Variants in ASTN2 observed in about 807,000 individuals in gnomAD.
ASTN2 encodes astrotactin-2.
In ASTN2, 54 loss-of-function variants were observed where a neutral mutation model predicts 139.8. That is an observed-to-expected ratio of 0.39 (90% CI 0.31 to 0.48). The LOEUF is 0.48. Ranked by LOEUF, ASTN2 falls within the 20% of genes least tolerant of loss-of-function variation. The probability of loss-of-function intolerance (pLI) is 0.95; values close to 1 mark genes in which losing one functional copy is unlikely to be tolerated. For synonymous variants in ASTN2, 756 were observed against 719.5 expected (o/e 1.05, Z -0.81); for missense variants, 1,565 against 1,725.1 (o/e 0.91, Z 1.64).
At chr9:116,838,475 G>A (rs1019956015) in intron 11 of ASTN2, among the ~76,000 whole-genome samples, 1 of 151,994 alleles carries the variant, frequency 6.6e-6, no homozygotes, top group Non-Finnish European at 1.5e-5. Context: ...CCAGACTGGA[G>A]TGCAATGGCA....
chr9:117,331,386 G>C (rs903994955), intron 1 of ASTN2, among the ~76,000 whole-genome samples: 4 of 152,130 alleles, frequency 2.6e-5, no homozygotes, highest in Non-Finnish European at 5.9e-5. Context: ...ACTCAGTTGT[G>C]TGTGCTTCCA....
At chr9:117,292,888 C>T (rs1834629852) in intron 1 of ASTN2, among the ~76,000 whole-genome samples, 1 of 152,096 alleles carries the variant, frequency 6.6e-6, no homozygotes. Flanking sequence ...CACCCAATTC[C>T]ACTGAACTAT....
intron 5 of ASTN2, among the ~76,000 whole-genome samples, chr9:117,057,499 T>C (rs998657690): frequency 1.3e-5 from 2 of 152,204 alleles, no homozygotes; most frequent in African/African-American, 2.4e-5. Context: ...CAAATTTATT[T>C]GTAAAATGCC....
chr9:116,969,855 A>G (rs540165282), intron 10 of ASTN2, among the ~76,000 whole-genome samples: 94 of 152,270 alleles, frequency 6.2e-4, no homozygotes, highest in African/African-American at 2.1e-3. Flanking sequence ...ATTATTACAT[A>G]GTTTCTGTGG....
At chr9:117,141,514 A>T in intron 3 of ASTN2, 36 bp from the exon 4 acceptor site, 1 of 1,355,660 alleles carries the variant, frequency 7.4e-7, no homozygotes, top group East Asian at 4.6e-5. Context: ...TTAGGGCTTG[A>T]GCCCACCCTC....
chr9:116,547,551 G>A (rs568105635), intron 19 of ASTN2: 3 of 152,158 alleles, frequency 2.0e-5, no homozygotes, highest in Non-Finnish European at 4.4e-5. Context: ...ATGTACCTGC[G>A]GTGGTGGACT....
chr9:117,126,788 ACTGT>A (rs1410796416), intron 4 of ASTN2, among the ~76,000 whole-genome samples: 4 of 152,210 alleles, frequency 2.6e-5, no homozygotes, highest in Admixed American at 1.3e-4. Flanking sequence ...TGATTGATTG[ACTGT>A]CTGCTTCTTT....
rs113194352 is a variant in ASTN2 at position 117,352,314 on chromosome 9, T to C, written c.443-60801A>G. Among the ~76,000 whole-genome samples the C allele has an allele frequency of 1.8e-3, 272 of 152,350 alleles. 1 individual carries two copies. The highest frequency in any genetic ancestry group is 3.1e-3 in the Non-Finnish European group (214 of 68,038). Reference sequence around the variant, plus strand: ...CTGTACTTTCCCTGAGAGCAATTATTAGTTTAATGAGGAACATGGGCCACC... The same window carrying C: ...CTGTACTTTCCCTGAGAGCAATTATCAGTTTAATGAGGAACATGGGCCACC... On this transcript the variant is annotated intron_variant, in intron 1 of 22. Coordinates refer to ENST00000313400, the MANE Select transcript of ASTN2 (RefSeq NM_001365068.1).
intron 1 of ASTN2, among the ~76,000 whole-genome samples, chr9:117,300,335 T>C (rs890407804): frequency 2.0e-5 from 3 of 152,228 alleles, no homozygotes; most frequent in African/African-American, 7.2e-5. Context: ...CATTAATTCA[T>C]AGTAGAAGGC....
intron 13 of ASTN2, among the ~76,000 whole-genome samples, 183 bp from the exon 14 acceptor site, chr9:116,733,706 A>G (rs916649040): frequency 6.6e-6 from 1 of 152,186 alleles, no homozygotes; most frequent in Non-Finnish European, 1.5e-5. Flanking sequence ...TTCCTGAATC[A>G]GGCAGGCTGG....
intron 13 of ASTN2, among the ~76,000 whole-genome samples, chr9:116,784,763 C>A (rs1830319233): frequency 6.6e-6 from 1 of 151,926 alleles, no homozygotes; most frequent in Admixed American, 6.6e-5. Flanking sequence ...AACCCTGTCT[C>A]TACTGAAAAT....
intron 19 of ASTN2, among the ~76,000 whole-genome samples, chr9:116,525,848 A>G (rs1362462302): frequency 2.0e-5 from 3 of 152,152 alleles, no homozygotes; most frequent in African/African-American, 7.2e-5. Flanking sequence ...TAAATAATGC[A>G]ATCCCACTCA....
intron 10 of ASTN2, among the ~76,000 whole-genome samples, chr9:116,963,962 C>T (rs1278141720): frequency 6.6e-6 from 1 of 152,144 alleles, no homozygotes; most frequent in East Asian, 1.9e-4. Flanking sequence ...TGTAACTTCA[C>T]CCTCACCTTG....
At chr9:116,989,691 C>T (rs757160961) in intron 7 of ASTN2, among the ~76,000 whole-genome samples, 11 of 149,670 alleles carry the variant, frequency 7.3e-5, no homozygotes, top group Non-Finnish European at 1.6e-4. Context: ...TCAAGTGATT[C>T]TCCTGTCTCA....
intron 10 of ASTN2, among the ~76,000 whole-genome samples, chr9:116,946,217 C>T (rs773276630): frequency 6.6e-6 from 1 of 152,194 alleles, no homozygotes; most frequent in Non-Finnish European, 1.5e-5. Flanking sequence ...ATATCAACAC[C>T]TCTTCCTTTA....
chr9:116,865,363 C>A (rs1051627341), intron 10 of ASTN2, among the ~76,000 whole-genome samples: 1 of 140,236 alleles, frequency 7.1e-6, no homozygotes, highest in Non-Finnish European at 1.5e-5. Flanking sequence ...CCCAGCTACT[C>A]GGGAGGCTGA....
At chr9:117,134,879 T>C (rs1211384685) in intron 4 of ASTN2, among the ~76,000 whole-genome samples, 2 of 152,122 alleles carry the variant, frequency 1.3e-5, no homozygotes, top group African/African-American at 4.8e-5. Flanking sequence ...AGAGTGGATG[T>C]CTTAAAAAAT....
chr9:116,498,416 C>A (rs1250299019), intron 19 of ASTN2, among the ~76,000 whole-genome samples: 1 of 140,286 alleles, frequency 7.1e-6, no homozygotes, highest in Non-Finnish European at 1.5e-5. Flanking sequence ...AAGACCCCAT[C>A]TCTAAAAAAA....
chr9:117,034,003 G>T (rs1019408957), intron 6 of ASTN2, among the ~76,000 whole-genome samples: 4 of 152,112 alleles, frequency 2.6e-5, no homozygotes, highest in African/African-American at 9.7e-5. Flanking sequence ...TCCTTAAGAG[G>T]TCATTAGGTA....
Sources: allele counts gnomAD v4.1 joint callset (sites outside exome capture counted in the v4.1 genomes callset), GRCh38; gene constraint gnomAD v4.1.1; transcripts MANE v1.5; gene names NCBI Gene and HGNC (gene_info 2026-07-23, HGNC 2026-07-21).